Variants in CFDP1 observed in about 807,000 individuals in gnomAD.
CFDP1 encodes chromatin remodeling protein CFDP1.
A neutral mutation model predicts 40.1 loss-of-function variants in CFDP1; 31 were observed. That is an observed-to-expected ratio of 0.77 (90% CI 0.58 to 1.04). The LOEUF (loss-of-function observed/expected upper bound fraction) is 1.04. Ranked by LOEUF, CFDP1 falls within the 50% of genes least tolerant of loss-of-function variation. The pLI is 0.00. For synonymous variants in CFDP1, 167 were observed against 120.0 expected, an observed-to-expected ratio of 1.39 and a Z score of -2.56; for missense variants, 423 against 343.4, an observed-to-expected ratio of 1.23 and a Z score of -1.83.
chr16:75,382,651 C>T (rs1367177832), intron 5 of CFDP1, among the ~76,000 whole-genome samples: 1 of 152,186 alleles, frequency 6.6e-6, no homozygotes, highest in Non-Finnish European at 1.5e-5. Flanking sequence ...GAAAAGCAGA[C>T]GTGATGCTTG....
At chr16:75,346,823 G>C (rs1029148860) in intron 5 of CFDP1, among the ~76,000 whole-genome samples, 2 of 150,746 alleles carry the variant, frequency 1.3e-5, no homozygotes, top group African/African-American at 4.9e-5. Flanking sequence ...GTGGTATTTT[G>C]CTGCCTAATC....
intron 5 of CFDP1, among the ~76,000 whole-genome samples, chr16:75,383,746 G>C (rs1384041312): frequency 6.6e-6 from 1 of 151,644 alleles, no homozygotes; most frequent in East Asian, 1.9e-4. Flanking sequence ...TTGGACCTGG[G>C]AGGTGGAGGT....
intron 5 of CFDP1, among the ~76,000 whole-genome samples, chr16:75,379,191 G>A (rs1597367268): frequency 1.3e-5 from 2 of 151,070 alleles, no homozygotes; most frequent in Admixed American, 6.6e-5. Flanking sequence ...TAAAAAAAAA[G>A]AGCAATATAT....
At chr16:75,386,817 C>T (rs2078902026) in intron 5 of CFDP1, among the ~76,000 whole-genome samples, 1 of 152,184 alleles carries the variant, frequency 6.6e-6, no homozygotes, top group Non-Finnish European at 1.5e-5. Flanking sequence ...TGTCAGATAT[C>T]CTCTTCCCTC....
At chr16:75,304,014 A>G (rs1308003519) in intron 6 of CFDP1, among the ~76,000 whole-genome samples, 1 of 152,144 alleles carries the variant, frequency 6.6e-6, no homozygotes, top group Admixed American at 6.5e-5. Flanking sequence ...GTGCCTTCTG[A>G]GGTCCGTAAG....
chr16:75,315,140 G>C (rs1045770354), intron 5 of CFDP1, among the ~76,000 whole-genome samples: 24 of 152,006 alleles, frequency 1.6e-4, no homozygotes, highest in Middle Eastern at 3.4e-3. Context: ...CTAAAGAAAG[G>C]CTTCAGCCTG....
Position 75,422,074 on chromosome 16 carries a change from T to C in CFDP1, c.65-7379A>G, listed in dbSNP as rs1353895691. ...ATTCAGTACAGACATAACCACCCAT[T>C]TGTTTTCCCAAATACTTTCTCTCTC... On this transcript the variant is annotated intron_variant, in intron 1 of 6. Coordinates refer to ENST00000283882, the MANE Select transcript of CFDP1 (RefSeq NM_006324.3). 2.0e-5 allele frequency among the ~76,000 whole-genome samples: 3 copies of C among 152,170 alleles called. No homozygotes were observed. In the South Asian group the frequency reaches 6.2e-4, roughly 32 times the overall value.
At chr16:75,308,670 A>G (rs137926395) in intron 5 of CFDP1, among the ~76,000 whole-genome samples, 1 of 152,286 alleles carries the variant, frequency 6.6e-6, no homozygotes, top group East Asian at 1.9e-4. Context: ...AAGGGGAACA[A>G]TTCACTTTTA....
intron 5 of CFDP1, among the ~76,000 whole-genome samples, chr16:75,386,382 A>T (rs972916831): frequency 3.3e-5 from 5 of 152,196 alleles, no homozygotes; most frequent in Admixed American, 6.5e-5. Context: ...ATCCGAACTG[A>T]CAGAGGTTAC....
chr16:75,432,683 G>A (rs2079436812), intron 1 of CFDP1, among the ~76,000 whole-genome samples: 2 of 152,290 alleles, frequency 1.3e-5, no homozygotes. Flanking sequence ...TACTTTCAAC[G>A]AGACGGTTTG....
intron 1 of CFDP1, among the ~76,000 whole-genome samples, chr16:75,425,651 G>C (rs1485321665): frequency 7.0e-6 from 1 of 143,562 alleles, no homozygotes; most frequent in African/African-American, 2.6e-5. Context: ...TGGACATCCA[G>C]ATGCAAAAGA....
intron 4 of CFDP1, among the ~76,000 whole-genome samples, chr16:75,399,681 T>C (rs547130550): frequency 6.7e-6 from 1 of 149,722 alleles, no homozygotes; most frequent in South Asian, 2.3e-4. Context: ...CCAGCCCAAA[T>C]TTTCTGACAG....
intron 5 of CFDP1, among the ~76,000 whole-genome samples, chr16:75,307,044 G>C (rs1243539266): frequency 6.6e-6 from 1 of 151,754 alleles, no homozygotes; most frequent in Non-Finnish European, 1.5e-5. Context: ...ATATCACCTG[G>C]ATAATTGAAC....
At chr16:75,389,816 G>C (rs572669861) in intron 5 of CFDP1, among the ~76,000 whole-genome samples, 15 of 152,230 alleles carry the variant, frequency 9.9e-5, no homozygotes, top group African/African-American at 3.4e-4. Context: ...CGGATAAAAT[G>C]TGCCCACTCA....
chr16:75,432,114 G>A (rs2079427165), intron 1 of CFDP1, among the ~76,000 whole-genome samples: 1 of 151,226 alleles, frequency 6.6e-6, no homozygotes, highest in Non-Finnish European at 1.5e-5. Context: ...GTTTTACCAT[G>A]TTGTCCAGGA....
intron 1 of CFDP1, among the ~76,000 whole-genome samples, chr16:75,421,409 C>CA (rs1366900113): frequency 3.9e-5 from 6 of 152,072 alleles, no homozygotes; most frequent in Non-Finnish European, 1.5e-5. Context: ...ATTATACATA[C>CA]AAAACCCCCC....
At chr16:75,330,962 T>TAAAAAAAAAAAAAAAAAAAAAAAAAAA (rs11333509) in intron 5 of CFDP1, among the ~76,000 whole-genome samples, 1 of 127,692 alleles carries the variant, frequency 7.8e-6, no homozygotes, top group Non-Finnish European at 1.6e-5. Context: ...TTCCAATTAT[T>TAAAAAAAAAAAAAAAAAAAAAAAAAAA]AAAAAAAAAA....
chr16:75,340,206 A>C (rs1170653545), intron 5 of CFDP1, among the ~76,000 whole-genome samples: 1 of 152,208 alleles, frequency 6.6e-6, no homozygotes, highest in African/African-American at 2.4e-5. Context: ...TGCTCCTACG[A>C]TGATCCTGTA....
chr16:75,426,263 T>C (rs989688741), intron 1 of CFDP1, among the ~76,000 whole-genome samples: 22 of 151,582 alleles, frequency 1.5e-4, no homozygotes, highest in Non-Finnish European at 3.1e-4. Context: ...GGCAGGAGAA[T>C]CCCTTGAACT....
Sources: gnomAD v4.1 joint callset for allele counts (sites outside exome capture counted in the v4.1 genomes callset) on GRCh38, gnomAD v4.1.1 for gene constraint, MANE v1.5 for transcripts, NCBI Gene and HGNC (gene_info 2026-07-23, HGNC 2026-07-21) for gene names.